TRMT11: variants seen among roughly 807,000 people sequenced by gnomAD.
The protein encoded by TRMT11 is tRNA (guanine(10)-N(2))-methyltransferase TRMT11.
TRMT11 carries 53 observed loss-of-function variants against 62.8 expected under a neutral mutation model. That is an observed-to-expected ratio of 0.84 (90% CI 0.68 to 1.06). The LOEUF (loss-of-function observed/expected upper bound fraction) is 1.06, where lower values mean the gene tolerates loss of function less well. Ranked by LOEUF, TRMT11 falls within the 50% of genes least tolerant of loss-of-function variation. The pLI, the probability that TRMT11 is intolerant of heterozygous loss-of-function variation, is 0.00. For synonymous variants in TRMT11, 188 were observed against 190.3 expected (o/e 0.99, Z 0.10); for missense variants, 556 against 553.4 (o/e 1.00, Z -0.05).
chr6:126,153,845 G>A (rs1230278291), intron 21 of TRMT11, among the ~76,000 whole-genome samples: 3 of 152,182 alleles, frequency 2.0e-5, no homozygotes, highest in Non-Finnish European at 2.9e-5. Flanking sequence ...ATTTTTAAGT[G>A]ATGTGTTGAT....
chr6:126,244,841 G>T, the TRMT11 span, among the ~76,000 whole-genome samples: 25 of 152,268 alleles, frequency 1.6e-4, no homozygotes, highest in African/African-American at 5.8e-4. Flanking sequence ...GTATCAGATT[G>T]CCTGGGTTTA....
At chr6:126,269,263 CAAAAAAAAAA>C in the TRMT11 span, among the ~76,000 whole-genome samples, 174 of 68,864 alleles carry the variant, frequency 2.5e-3, no homozygotes, top group Middle Eastern at 0.021. Context: ...GACTCCGTCT[CAAAAAAAAAA>C]AAAAAAAAAA....
At chr6:126,031,132 T>TTTTTTG (rs1250292205) in intron 12 of TRMT11, among the ~76,000 whole-genome samples, 2 of 152,128 alleles carry the variant, frequency 1.3e-5, no homozygotes, top group African/African-American at 4.8e-5. Flanking sequence ...GGATGCAAGT[T>TTTTTTG]TTTTTGTTTT....
intron 17 of TRMT11, among the ~76,000 whole-genome samples, chr6:126,098,186 C>T (rs1303024007): frequency 6.6e-6 from 1 of 152,098 alleles, no homozygotes; most frequent in Admixed American, 6.5e-5. Context: ...TGCTTGGCGT[C>T]CACTCACTTC....
intron 21 of TRMT11, among the ~76,000 whole-genome samples, chr6:126,143,203 T>C (rs1290652169): frequency 6.6e-6 from 1 of 152,128 alleles, no homozygotes; most frequent in Non-Finnish European, 1.5e-5. Context: ...TTTTTCTGAG[T>C]ATTAACATTT....
chr6:126,194,069 C>T (rs1290006685), intron 1 of TRMT11, among the ~76,000 whole-genome samples: 1 of 152,066 alleles, frequency 6.6e-6, no homozygotes, highest in African/African-American at 2.4e-5. Flanking sequence ...TTTGTTGAGA[C>T]TTGCTTTTTG....
intron 17 of TRMT11, among the ~76,000 whole-genome samples, chr6:126,068,058 A>T (rs1406092040): frequency 6.6e-6 from 1 of 152,130 alleles, no homozygotes; most frequent in Admixed American, 6.6e-5. Flanking sequence ...CTGACTCCTA[A>T]TGATGAGAAC....
Position 125,993,071 on chromosome 6 carries a change from T to G in TRMT11, c.73-686T>G, listed in dbSNP as rs538279593. On this transcript the variant is annotated intron_variant, in intron 1 of 12. Transcript: ENST00000334379. The stretch of plus-strand genomic sequence containing the variant: ...TAGTAGGTAGCCAGCAGTGGAACAC[T>G]TACCTCTCATTAGGTTCCATCCTCC... 3.9e-5 allele frequency among the ~76,000 whole-genome samples: 6 copies of G among 152,292 alleles called. No homozygotes were observed. In the South Asian group the frequency reaches 1.2e-3, roughly 32 times the overall value.
intron 1 of TRMT11, among the ~76,000 whole-genome samples, chr6:126,186,159 C>G (rs890545199): frequency 7.9e-5 from 12 of 152,132 alleles, no homozygotes; most frequent in African/African-American, 2.7e-4. Context: ...GCACAAAGGT[C>G]TTTCATAGCT....
intron 17 of TRMT11, among the ~76,000 whole-genome samples, chr6:126,103,130 A>G (rs1446023670): frequency 6.6e-6 from 1 of 152,194 alleles, no homozygotes; most frequent in Non-Finnish European, 1.5e-5. Context: ...CCTGGGACCC[A>G]GTGACTTCTC....
chr6:126,037,185 A>G (rs1321942584), intron 12 of TRMT11, among the ~76,000 whole-genome samples: 2 of 152,042 alleles, frequency 1.3e-5, no homozygotes, highest in Non-Finnish European at 2.9e-5. Context: ...TGCAGTCTTT[A>G]GAGTCAAACA....
At chr6:126,053,911 C>T (rs192047933) in intron 17 of TRMT11, among the ~76,000 whole-genome samples, 112 of 152,098 alleles carry the variant, frequency 7.4e-4, no homozygotes, top group African/African-American at 2.6e-3. Flanking sequence ...GGGGTGAGGG[C>T]GGGAAGGGGG....
intron 11 of TRMT11, among the ~76,000 whole-genome samples, chr6:126,015,423 T>G (rs1794859323): frequency 6.6e-6 from 1 of 151,644 alleles, no homozygotes; most frequent in South Asian, 2.1e-4. Context: ...AGAGACAGGG[T>G]TTTACCATGT....
chr6:126,075,889 T>A (rs1777007788), intron 17 of TRMT11, among the ~76,000 whole-genome samples: 1 of 152,212 alleles, frequency 6.6e-6, no homozygotes, highest in African/African-American at 2.4e-5. Flanking sequence ...GCCTTTTAAC[T>A]GCCTTAGCCC....
chr6:126,144,935 GT>G (rs1777957854), intron 21 of TRMT11, among the ~76,000 whole-genome samples: 1 of 151,982 alleles, frequency 6.6e-6, no homozygotes. Flanking sequence ...TAATACTGTT[GT>G]GCTTTAAAAT....
At chr6:125,999,735 C>T (rs1792166719) in intron 7 of TRMT11, 122 bp downstream of exon 7, 2 of 794,292 alleles carry the variant, frequency 2.5e-6, no homozygotes, top group Non-Finnish European at 3.9e-6. Flanking sequence ...TGGATAGTGG[C>T]CAACAGACAA....
chr6:126,206,559 A>T (rs1462647849), downstream of TRMT11, among the ~76,000 whole-genome samples: 1 of 152,206 alleles, frequency 6.6e-6, no homozygotes, highest in East Asian at 1.9e-4. Flanking sequence ...AAAACATTTA[A>T]TACAAAAACA....
chr6:126,052,612 G>A (rs1374507007), intron 16 of TRMT11, among the ~76,000 whole-genome samples: 1 of 152,064 alleles, frequency 6.6e-6, no homozygotes, highest in Non-Finnish European at 1.5e-5. Context: ...CTTTCCACCT[G>A]TGGACCGGCC....
chr6:126,012,944 T>A, intron 10 of TRMT11, 26 bp from the exon 11 acceptor site: 1 of 1,608,216 alleles, frequency 6.2e-7, no homozygotes, highest in Non-Finnish European at 8.5e-7. Flanking sequence ...TTTCACTGAT[T>A]TTGAAATTTT....
Sources: allele counts gnomAD v4.1 joint callset (sites outside exome capture counted in the v4.1 genomes callset), GRCh38; gene constraint gnomAD v4.1.1; transcripts MANE v1.5; gene names NCBI Gene and HGNC (gene_info 2026-07-23, HGNC 2026-07-21).